ANK3: variants seen among roughly 807,000 people sequenced by gnomAD.
ANK3 encodes the protein ankyrin 3, also known as ankyrin-3.
A neutral mutation model predicts 370.9 loss-of-function variants in ANK3; 57 were observed. The observed-to-expected ratio is 0.15, with a 90% CI of 0.12 to 0.19. ANK3 has a LOEUF of 0.19. Ranked by LOEUF, ANK3 falls within the 10% of genes least tolerant of loss-of-function variation. The pLI is 1.00. For synonymous variants in ANK3, 1,929 were observed against 1,946.3 expected (o/e 0.99, Z 0.23); for missense variants, 4,439 against 5,302.1 (o/e 0.84, Z 5.06).
intron 1 of ANK3, among the ~76,000 whole-genome samples, chr10:60,694,301 T>A (rs948832717): frequency 2.0e-5 from 3 of 151,970 alleles, no homozygotes; most frequent in Non-Finnish European, 4.4e-5. Context: ...ACGGGGAGAA[T>A]GGAACCAAGT....
chr10:60,684,345 G>A (rs554665222), intron 1 of ANK3, among the ~76,000 whole-genome samples: 1 of 152,198 alleles, frequency 6.6e-6, no homozygotes, highest in Non-Finnish European at 1.5e-5. Context: ...TGGTGCCAGC[G>A]AACAGGTATC....
chr10:60,717,189 T>C (rs756020493), intron 1 of ANK3, among the ~76,000 whole-genome samples: 3 of 152,232 alleles, frequency 2.0e-5, no homozygotes, highest in African/African-American at 2.4e-5. Flanking sequence ...GTGAAAAGTT[T>C]AGAAAGTGAG....
rs185572123 is a variant in ANK3 at position 60,689,666 on chromosome 10, C to T, written c.57+43597G>A. 1.7e-3 allele frequency among the ~76,000 whole-genome samples: 262 copies of T among 151,136 alleles called. 3 individuals are homozygous for T. Among genetic ancestry groups the T allele is most frequent in the Non-Finnish European group, 4.3e-4 (29 of 67,882 alleles). On this transcript the variant is annotated intron_variant, in intron 1 of 43. Coordinates refer to the ANK3 transcript ENST00000373827. ...ACTCAGGAAGCTGAGGCAGGAGAAT[C>T]GCCTGAACCCAGAAGGTGGAAGTTG...
chr10:60,369,208 T>C (rs2059793417), intron 1 of ANK3, among the ~76,000 whole-genome samples: 1 of 152,196 alleles, frequency 6.6e-6, no homozygotes, highest in Non-Finnish European at 1.5e-5. Flanking sequence ...AAAATGAACA[T>C]CTTTGGCTGC....
intron 1 of ANK3, among the ~76,000 whole-genome samples, chr10:60,698,832 G>A (rs1301066675): frequency 1.3e-5 from 2 of 150,756 alleles, no homozygotes; most frequent in Non-Finnish European, 3.0e-5. Context: ...CAGTGCACCA[G>A]CATGGCACAT....
chr10:60,348,369 A>AC lies in ANK3; in HGVS notation c.114+41055_114+41056insG, dbSNP rs556542618. Among the ~76,000 whole-genome samples, 79 of 128,022 alleles carry AC rather than the reference A, an allele frequency of 6.2e-4. 1 individual carries two copies. The highest frequency in any genetic ancestry group is 4.8e-3 in the Middle Eastern group (1 of 210). The allele number at this position is 128,022 out of a possible 152,430, so 84.0% of individuals were successfully genotyped here. Reference sequence around the variant, plus strand: ...AGCCAAAAAAAAAAAAAAAAAAAAAAACACAAAAAACAAAAAAAACGAACT... The same window carrying AC: ...AGCCAAAAAAAAAAAAAAAAAAAAAACACACAAAAAACAAAAAAAACGAACT... On this transcript the variant is annotated intron_variant, in intron 1 of 43. Coordinates refer to ENST00000280772, the MANE Select transcript of ANK3 (RefSeq NM_020987.5).
At chr10:60,253,431 G>C (rs1373102846) in intron 7 of ANK3, among the ~76,000 whole-genome samples, 1 of 152,190 alleles carries the variant, frequency 6.6e-6, no homozygotes, top group Non-Finnish European at 1.5e-5. Flanking sequence ...CTCCACACGG[G>C]AAGATGTCAA....
intron 25 of ANK3, among the ~76,000 whole-genome samples, chr10:60,122,137 G>A (rs749292049): frequency 3.9e-5 from 6 of 152,122 alleles, no homozygotes; most frequent in East Asian, 1.9e-4. Context: ...TCCCACTCCC[G>A]ATTTTTCCAG....
chr10:60,612,555 G>A (rs1295264777), intron 2 of ANK3, among the ~76,000 whole-genome samples: 15 of 152,114 alleles, frequency 9.9e-5, no homozygotes, highest in Admixed American at 7.9e-4. Flanking sequence ...GCAGTGGCGC[G>A]ATCTCGGCTC....
intron 2 of ANK3, among the ~76,000 whole-genome samples, chr10:60,468,619 T>C (rs2065065573): frequency 6.6e-6 from 1 of 152,086 alleles, no homozygotes; most frequent in Non-Finnish European, 1.5e-5. Flanking sequence ...CACAAGGATA[T>C]TCTAGCCTGG....
intron 1 of ANK3, among the ~76,000 whole-genome samples, chr10:60,295,659 C>T (rs916606169): frequency 1.1e-4 from 16 of 152,030 alleles, no homozygotes; most frequent in Non-Finnish European, 2.1e-4. Context: ...CTCAAGGTAC[C>T]TTTATACTCC....
intron 17 of ANK3, among the ~76,000 whole-genome samples, chr10:60,185,696 G>C (rs993647216): frequency 5.9e-5 from 9 of 152,144 alleles, no homozygotes; most frequent in African/African-American, 2.2e-4. Context: ...GAGGTTATCA[G>C]AATCTGAGGG....
chr10:60,162,699 T>G (rs781424157), intron 23 of ANK3, among the ~76,000 whole-genome samples: 2 of 152,236 alleles, frequency 1.3e-5, no homozygotes, highest in Non-Finnish European at 2.9e-5. Context: ...TTCAGAGAGA[T>G]ATTTTTCAGC....
chr10:60,286,079 T>C (rs2098240699), intron 1 of ANK3, among the ~76,000 whole-genome samples: 1 of 152,150 alleles, frequency 6.6e-6, no homozygotes, highest in African/African-American at 2.4e-5. Context: ...ATAAAACATA[T>C]ATGAACAGTT....
At chr10:60,284,795 T>TG (rs551623997) in intron 1 of ANK3, among the ~76,000 whole-genome samples, 85 of 151,638 alleles carry the variant, frequency 5.6e-4, no homozygotes, top group African/African-American at 2.1e-3. Flanking sequence ...TAAACTTTTC[T>TG]GGGGGGCGGG....
At chr10:60,030,300 G>A (rs868353769) in intron 43 of ANK3, among the ~76,000 whole-genome samples, 5 of 151,808 alleles carry the variant, frequency 3.3e-5, no homozygotes, top group South Asian at 2.1e-4. Flanking sequence ...CCACCACCAC[G>A]CCTGGCTAAT....
chr10:60,733,486 G>C, exon 1 of ANK3: 1 of 530,734 alleles, frequency 1.9e-6, no homozygotes, highest in East Asian at 3.6e-5. Flanking sequence ...TCCTCCTCCT[G>C]CTGTGTCCGC....
chr10:60,325,124 C>T (rs566766246), intron 1 of ANK3, among the ~76,000 whole-genome samples: 12 of 152,352 alleles, frequency 7.9e-5, no homozygotes, highest in African/African-American at 2.9e-4. Flanking sequence ...ATCTTAATGA[C>T]AGCAACAATG....
intron 2 of ANK3, among the ~76,000 whole-genome samples, chr10:60,541,848 G>A (rs2076856120): frequency 6.6e-6 from 1 of 151,904 alleles, no homozygotes. Context: ...ATAAAGCAGA[G>A]ACTTTTATTC....
Sources: gnomAD v4.1 joint callset for allele counts (sites outside exome capture counted in the v4.1 genomes callset) on GRCh38, gnomAD v4.1.1 for gene constraint, MANE v1.5 for transcripts, NCBI Gene and HGNC (gene_info 2026-07-23, HGNC 2026-07-21) for gene names.